PPP1R1C: variants seen among roughly 807,000 people sequenced by gnomAD.
PPP1R1C encodes protein phosphatase 1 regulatory subunit 1C.
In PPP1R1C, 15 loss-of-function variants were observed where a neutral mutation model predicts 17.4. The observed-to-expected ratio is 0.86, with a 90% CI of 0.58 to 1.33. PPP1R1C has a LOEUF of 1.33. Ranked by LOEUF, PPP1R1C falls within the 40% of genes most tolerant of loss-of-function variation. PPP1R1C has a pLI of 0.00. For missense variants in PPP1R1C, 143 were observed against 130.0 expected, an observed-to-expected ratio of 1.10 and a Z score of -0.48; for synonymous variants, 35 against 43.1, an observed-to-expected ratio of 0.81 and a Z score of 0.73.
At chr2:181,996,019 C>G (rs1685602407) in intron 2 of PPP1R1C, among the ~76,000 whole-genome samples, 1 of 152,112 alleles carries the variant, frequency 6.6e-6, no homozygotes, top group African/African-American at 2.4e-5. Context: ...AACACAAGCT[C>G]CATCCAAGGC....
At chr2:182,030,554 G>C (rs1463716790) in intron 2 of PPP1R1C, among the ~76,000 whole-genome samples, 1 of 150,270 alleles carries the variant, frequency 6.7e-6, no homozygotes, top group Admixed American at 6.6e-5. Context: ...CCCACTTGAG[G>C]AGGCAGTCTG....
intron 2 of PPP1R1C, among the ~76,000 whole-genome samples, chr2:182,002,603 T>C (rs892958565): frequency 6.6e-6 from 1 of 152,096 alleles, no homozygotes; most frequent in Non-Finnish European, 1.5e-5. Context: ...TTATTCATAA[T>C]CTTGGTTAAA....
rs1684831078 is a variant in PPP1R1C at position 181,962,999 on chromosome 2, TC to T, written n.111+8366del. Among the ~76,000 whole-genome samples the T allele has an allele frequency of 6.6e-6, 1 of 152,112 alleles. No homozygotes were observed. The highest frequency in any genetic ancestry group is 6.5e-5 in the Admixed American group (1 of 15,274). ...GAGCAGGGCTGCCGATCCCCAAGAC[TC>T]TAAATAAAAGTTATTTGTAAACCCT... On this transcript the variant is annotated intron_variant and non_coding_transcript_variant, in intron 1 of 5. Transcript: ENST00000464264. The surrounding 1 kb of genome is among the most constrained non-coding windows in gnomAD (Gnocchi z 6.0).
chr2:181,980,387 C>T (rs1228166063), intron 2 of PPP1R1C, among the ~76,000 whole-genome samples: 1 of 152,152 alleles, frequency 6.6e-6, no homozygotes, highest in Non-Finnish European at 1.5e-5. Flanking sequence ...AAGTCTTCCT[C>T]ACGTTATTCC....
intron 2 of PPP1R1C, among the ~76,000 whole-genome samples, chr2:181,994,017 GA>G (rs201636871): frequency 1.0e-4 from 14 of 133,982 alleles, no homozygotes; most frequent in African/African-American, 3.8e-4. Context: ...TAGTGGGTAA[GA>G]AAAAAAAAAG....
At chr2:182,007,925 G>A (rs1474007441) in intron 2 of PPP1R1C, among the ~76,000 whole-genome samples, 1 of 151,954 alleles carries the variant, frequency 6.6e-6, no homozygotes, top group African/African-American at 2.4e-5. Flanking sequence ...AAACTTAGCC[G>A]GGAGTGGTGG....
At chr2:181,977,927 T>C (rs944979571) in intron 2 of PPP1R1C, among the ~76,000 whole-genome samples, 2 of 152,308 alleles carry the variant, frequency 1.3e-5, no homozygotes, top group East Asian at 3.9e-4. Flanking sequence ...AATCAGCATG[T>C]GACATCTTGT....
At chr2:181,988,243 A>G (rs1433928549) in intron 2 of PPP1R1C, among the ~76,000 whole-genome samples, 2 of 152,228 alleles carry the variant, frequency 1.3e-5, no homozygotes, top group Non-Finnish European at 2.9e-5. Flanking sequence ...AAAAGCTCAA[A>G]TTACAGCCCT....
intron 1 of PPP1R1C, among the ~76,000 whole-genome samples, chr2:181,963,710 A>G (rs1292741245): frequency 2.0e-5 from 3 of 152,142 alleles, no homozygotes; most frequent in Non-Finnish European, 4.4e-5. Flanking sequence ...ATTGCTAATG[A>G]TAGAGTTCCC....
At chr2:181,989,896 G>T (rs1012571990) in intron 2 of PPP1R1C, among the ~76,000 whole-genome samples, 22 of 152,276 alleles carry the variant, frequency 1.4e-4, no homozygotes, top group African/African-American at 5.1e-4. Flanking sequence ...GGATAAGTGT[G>T]CATGGCAACT....
chr2:182,130,882 C>G (rs1292127390), downstream of PPP1R1C: 1 of 152,124 alleles, frequency 6.6e-6, no homozygotes, highest in Non-Finnish European at 1.5e-5. Flanking sequence ...AATTCTAAGA[C>G]AGGAATGATA....
intron 2 of PPP1R1C, among the ~76,000 whole-genome samples, chr2:181,999,924 A>G (rs935608240): frequency 2.0e-5 from 3 of 152,146 alleles, no homozygotes; most frequent in Non-Finnish European, 4.4e-5. Context: ...GACTTAAATC[A>G]TCATTAGTTG....
chr2:181,973,534 T>G (rs1460219146), intron 1 of PPP1R1C, among the ~76,000 whole-genome samples: 1 of 152,056 alleles, frequency 6.6e-6, no homozygotes, highest in Non-Finnish European at 1.5e-5. Context: ...GATAGGGAGG[T>G]AAGCAGAAGA....
At chr2:182,109,490 G>A (rs1409746610) in intron 4 of PPP1R1C, among the ~76,000 whole-genome samples, 1 of 152,156 alleles carries the variant, frequency 6.6e-6, no homozygotes, top group African/African-American at 2.4e-5. Flanking sequence ...TTACATTGAA[G>A]TCTGGATCAA....
At chr2:182,081,307 G>A (rs1258703707) in intron 4 of PPP1R1C, among the ~76,000 whole-genome samples, 1 of 152,140 alleles carries the variant, frequency 6.6e-6, no homozygotes, top group African/African-American at 2.4e-5. Context: ...TCAACAAATA[G>A]CGGCTATCAG....
chr2:182,056,186 GC>G (rs1250127045), intron 2 of PPP1R1C, among the ~76,000 whole-genome samples: 3 of 152,158 alleles, frequency 2.0e-5, no homozygotes, highest in South Asian at 2.1e-4. Flanking sequence ...AGATGAGAGA[GC>G]CCTGCTTCCA....
chr2:182,115,084 A>G (rs1288528918), intron 4 of PPP1R1C, among the ~76,000 whole-genome samples: 1 of 152,174 alleles, frequency 6.6e-6, no homozygotes, highest in Non-Finnish European at 1.5e-5. Flanking sequence ...CTTGTGAATG[A>G]AAAAGATGAG....
intron 4 of PPP1R1C, among the ~76,000 whole-genome samples, chr2:182,093,735 A>G (rs1489874251): frequency 6.6e-6 from 1 of 152,208 alleles, no homozygotes; most frequent in Non-Finnish European, 1.5e-5. Context: ...TTGCTAAAAC[A>G]TAATAAGAGT....
At chr2:182,127,536 A>G (rs1291091444) in intron 5 of PPP1R1C, among the ~76,000 whole-genome samples, 5 of 152,244 alleles carry the variant, frequency 3.3e-5, no homozygotes, top group Admixed American at 2.0e-4. Context: ...TCAGAGTTGT[A>G]AACTCACATC....
Sources: gnomAD v4.1 joint callset for allele counts (sites outside exome capture counted in the v4.1 genomes callset) on GRCh38, gnomAD v4.1.1 for gene constraint, Gnocchi (gnomAD v3.1) non-coding constraint, MANE v1.5 for transcripts, NCBI Gene and HGNC (gene_info 2026-07-23, HGNC 2026-07-21) for gene names.